The following KCNIP4 variants were observed in gnomAD, a reference collection of about 807,000 sequenced individuals.
KCNIP4 encodes potassium voltage-gated channel interacting protein 4.
In KCNIP4, 12 loss-of-function variants were observed where a neutral mutation model predicts 34.0. The ratio of observed to expected loss-of-function variants is 0.35; its 90% CI spans 0.23 to 0.57. The LOEUF (loss-of-function observed/expected upper bound fraction) is 0.57, where lower values mean the gene tolerates loss of function less well. Ranked by LOEUF, KCNIP4 falls within the 20% of genes least tolerant of loss-of-function variation. The pLI is 0.83. For synonymous variants in KCNIP4, 124 were observed against 102.2 expected, an observed-to-expected ratio of 1.21 and a Z score of -1.29; for missense variants, 238 against 311.7, an observed-to-expected ratio of 0.76 and a Z score of 1.78.
chr4:21,258,935 T>C (rs188539742), intron 1 of KCNIP4, among the ~76,000 whole-genome samples: 1 of 152,218 alleles, frequency 6.6e-6, no homozygotes, highest in Admixed American at 6.5e-5. Context: ...ATAATAATAA[T>C]AATAGAAAAC....
intron 1 of KCNIP4, among the ~76,000 whole-genome samples, chr4:21,014,757 C>T (rs567567956): frequency 1.3e-5 from 2 of 152,266 alleles, no homozygotes; most frequent in East Asian, 3.9e-4. Context: ...AGCAATTCTA[C>T]CTTTACGTGT....
chr4:20,774,491 A>G (rs1276105409), intron 3 of KCNIP4, among the ~76,000 whole-genome samples: 1 of 152,222 alleles, frequency 6.6e-6, no homozygotes, highest in Non-Finnish European at 1.5e-5. Flanking sequence ...AAAGCATATT[A>G]TATGTCAGAG....
At chr4:21,012,653 T>C (rs566327179) in intron 1 of KCNIP4, among the ~76,000 whole-genome samples, 2 of 152,162 alleles carry the variant, frequency 1.3e-5, no homozygotes, top group Non-Finnish European at 2.9e-5. Context: ...TGTATATCGA[T>C]CATTCTATGC....
At chr4:20,829,859 T>C (rs1005211996) in intron 3 of KCNIP4, among the ~76,000 whole-genome samples, 1 of 152,130 alleles carries the variant, frequency 6.6e-6, no homozygotes, top group African/African-American at 2.4e-5. Context: ...AAGTATGATA[T>C]AGATGTTGGT....
At chr4:21,595,000 T>A (rs1419489906) in intron 1 of KCNIP4, among the ~76,000 whole-genome samples, 1 of 152,146 alleles carries the variant, frequency 6.6e-6, no homozygotes, top group African/African-American at 2.4e-5. Flanking sequence ...TACTTTAAGT[T>A]CTGGGATACG....
intron 1 of KCNIP4, among the ~76,000 whole-genome samples, chr4:21,756,393 A>T (rs745414777): frequency 8.6e-5 from 13 of 152,040 alleles, no homozygotes; most frequent in Non-Finnish European, 1.5e-4. Context: ...ATGTCTACTA[A>T]AAATACAAAA....
chr4:21,647,888 T>C (rs1209127240), intron 1 of KCNIP4, among the ~76,000 whole-genome samples: 1 of 144,480 alleles, frequency 6.9e-6, no homozygotes, highest in Non-Finnish European at 1.5e-5. Context: ...TTTTTTTTTT[T>C]TTTTAGACAG....
chr4:21,941,311 G>A (rs927293029), intron 1 of KCNIP4, among the ~76,000 whole-genome samples: 6 of 152,076 alleles, frequency 3.9e-5, no homozygotes, highest in South Asian at 2.1e-4. Flanking sequence ...TGGGGGAATC[G>A]TCATTAGACT....
intron 1 of KCNIP4, among the ~76,000 whole-genome samples, chr4:21,737,383 A>C (rs1716065843): frequency 6.6e-6 from 1 of 152,142 alleles, no homozygotes; most frequent in South Asian, 2.1e-4. Context: ...AATGGCCCAA[A>C]ATATGTCATG....
At chr4:21,092,868 A>G (rs987391198) in intron 1 of KCNIP4, among the ~76,000 whole-genome samples, 2 of 152,240 alleles carry the variant, frequency 1.3e-5, no homozygotes, top group Non-Finnish European at 2.9e-5. Flanking sequence ...TGTGAATAGT[A>G]CTACTACAGA....
At chr4:21,887,644 G>T (rs1726856979) in intron 1 of KCNIP4, among the ~76,000 whole-genome samples, 3 of 152,088 alleles carry the variant, frequency 2.0e-5, no homozygotes, top group Admixed American at 2.0e-4. Flanking sequence ...TTTCTCTTTA[G>T]TCATTGTCAT....
At chr4:21,057,920 A>G (rs2108963881) in intron 1 of KCNIP4, among the ~76,000 whole-genome samples, 1 of 152,312 alleles carries the variant, frequency 6.6e-6, no homozygotes. Context: ...TGTCACACTG[A>G]TTTCCAAAGA....
chr4:21,291,899 GAAAGAAAGAAAGAAAGAAAGA>G (rs1763525163), intron 1 of KCNIP4, among the ~76,000 whole-genome samples: 1 of 41,996 alleles, frequency 2.4e-5, no homozygotes, highest in Non-Finnish European at 3.9e-5. Context: ...AAGAAAGAAA[GAAAGAAAGAAAGAAAGAAAGA>G]AAGAAAGAAA....
At chr4:21,772,163 T>G (rs1331846331) in intron 1 of KCNIP4, among the ~76,000 whole-genome samples, 2 of 152,218 alleles carry the variant, frequency 1.3e-5, no homozygotes, top group African/African-American at 4.8e-5. Context: ...AGGCCTTTTC[T>G]GCATCTATTG....
chr4:21,065,763 T>A (rs1490343810), intron 1 of KCNIP4, among the ~76,000 whole-genome samples: 7 of 118,026 alleles, frequency 5.9e-5, no homozygotes, highest in African/African-American at 2.1e-4. Flanking sequence ...TATATATATA[T>A]ATAACTCAAT....
chr4:21,835,638 T>C lies in KCNIP4; in HGVS notation c.61+112933A>G. Among the ~76,000 whole-genome samples, 3 of 152,288 alleles carry C rather than the reference T, an allele frequency of 2.0e-5. 1 individual carries two copies. The highest frequency in any genetic ancestry group is 2.0e-4 in the Admixed American group (3 of 15,286). Reference sequence around the variant, plus strand: ...TTTTTAACTAACAATCTTACTTGTATATGTTTCCAACATTTACAAATTAAA... The same window carrying C: ...TTTTTAACTAACAATCTTACTTGTACATGTTTCCAACATTTACAAATTAAA... On this transcript the variant is annotated intron_variant, in intron 1 of 8. Coordinates refer to ENST00000382152, the MANE Select transcript of KCNIP4 (RefSeq NM_025221.6).
chr4:20,787,578 T>A (rs1194925711), intron 3 of KCNIP4, among the ~76,000 whole-genome samples: 1 of 152,104 alleles, frequency 6.6e-6, no homozygotes, highest in African/African-American at 2.4e-5. Context: ...TATATGAATA[T>A]TTTTAAGTGC....
chr4:21,461,724 G>C (rs1347362328), intron 1 of KCNIP4, among the ~76,000 whole-genome samples: 1 of 151,738 alleles, frequency 6.6e-6, no homozygotes, highest in Non-Finnish European at 1.5e-5. Flanking sequence ...TCATCTGCTT[G>C]CCATGTCTTT....
At chr4:21,635,394 G>A (rs1178257226) in intron 1 of KCNIP4, among the ~76,000 whole-genome samples, 1 of 152,150 alleles carries the variant, frequency 6.6e-6, no homozygotes, top group Non-Finnish European at 1.5e-5. Flanking sequence ...CAATCATCAG[G>A]ATGTGCTTCT....
Sources: gnomAD v4.1 joint callset for allele counts (sites outside exome capture counted in the v4.1 genomes callset) on GRCh38, gnomAD v4.1.1 for gene constraint, MANE v1.5 for transcripts, NCBI Gene and HGNC (gene_info 2026-07-23, HGNC 2026-07-21) for gene names.